NCBP3: variants seen among roughly 807,000 people sequenced by gnomAD.
NCBP3 encodes nuclear cap-binding protein subunit 3.
NCBP3 carries 20 observed loss-of-function variants against 75.7 expected under a neutral mutation model. The ratio of observed to expected loss-of-function variants is 0.26; its 90% CI spans 0.19 to 0.38. The LOEUF (loss-of-function observed/expected upper bound fraction) is 0.38, where lower values mean the gene tolerates loss of function less well. NCBP3 is among the 10% of genes least tolerant of loss of function. The probability of loss-of-function intolerance (pLI) is 1.00; values close to 1 mark genes in which losing one functional copy is unlikely to be tolerated. For missense variants in NCBP3, 678 were observed against 796.9 expected (o/e 0.85, Z 1.80); for synonymous variants, 293 against 290.5 (o/e 1.01, Z -0.09).
chr17:3,806,718 G>GAAA lies in NCBP3; in HGVS notation c.*6323_*6325dup, dbSNP rs35432474. 1 of 75,482 alleles carries GAAA rather than the reference G, an allele frequency of 1.3e-5. No homozygotes were observed. Among genetic ancestry groups the GAAA allele is most frequent in the Non-Finnish European group, 2.9e-5 (1 of 33,988 alleles). The allele number at this position is 75,482 out of a possible 1,614,324, so 4.7% of individuals were successfully genotyped here. A position where few individuals can be genotyped will look rare whatever the true frequency, so the allele number is the denominator to read the frequency against. Reference sequence around the variant, plus strand: ...TGTGAAATGTTCATAGAGCTTCATTGAAAAAAAAAAAAAAAAAAAAGCTAC... The same window carrying GAAA: ...TGTGAAATGTTCATAGAGCTTCATTGAAAAAAAAAAAAAAAAAAAAAAAGCTAC... On this transcript the variant is annotated 3_prime_UTR_variant, in exon 13 of 13. Coordinates refer to ENST00000389005, the MANE Select transcript of NCBP3 (RefSeq NM_001114118.3).
intron 11 of NCBP3, among the ~76,000 whole-genome samples, chr17:3,814,885 T>A (rs2053500472): frequency 6.6e-6 from 1 of 152,180 alleles, no homozygotes. Flanking sequence ...CCAGTAAATA[T>A]AAAGAGACTG....
At chr17:3,821,049 C>T (rs1200270684) in intron 9 of NCBP3, among the ~76,000 whole-genome samples, 200 bp downstream of exon 9, 1 of 152,014 alleles carries the variant, frequency 6.6e-6, no homozygotes, top group Non-Finnish European at 1.5e-5. Flanking sequence ...TTTGATAGAA[C>T]AGCTTTTATA....
intron 11 of NCBP3, among the ~76,000 whole-genome samples, chr17:3,815,107 A>G (rs1006242420): frequency 2.0e-5 from 3 of 152,138 alleles, no homozygotes. Flanking sequence ...AACACTTCCT[A>G]GCACTGAGTC....
chr17:3,840,982 T>C (rs1014108175), intron 2 of NCBP3, among the ~76,000 whole-genome samples: 2 of 152,084 alleles, frequency 1.3e-5, no homozygotes, highest in East Asian at 3.9e-4. Flanking sequence ...CCTTCACTAA[T>C]TGGTTTTGTT....
At chr17:3,826,742 A>T (rs1430050881) in intron 4 of NCBP3, among the ~76,000 whole-genome samples, 1 of 150,652 alleles carries the variant, frequency 6.6e-6, no homozygotes, top group Non-Finnish European at 1.5e-5. Context: ...GAGATGAAAG[A>T]AAGAAAAAGA....
rs1302231656 is a variant in NCBP3 at position 3,812,980 on chromosome 17, C to T, written c.*64G>A. The T allele has an allele frequency of 3.8e-6, 6 of 1,599,748 alleles. No individual in the cohort carries two copies. Among genetic ancestry groups the T allele is most frequent in the South Asian group, 1.1e-5 (1 of 89,096 alleles). On this transcript the variant is annotated 3_prime_UTR_variant, in exon 13 of 13. Transcript: ENST00000389005. ...CCAGCTCCTGCGGGGGAGGTTCCTA[C>T]TGCGCGCCCCACCCTGTGCAAGAAT...
At chr17:3,817,328 C>T (rs1273837583) in intron 10 of NCBP3, among the ~76,000 whole-genome samples, 1 of 152,080 alleles carries the variant, frequency 6.6e-6, no homozygotes, top group East Asian at 1.9e-4. Context: ...TAAAACCCTT[C>T]TGGGATTAAA....
At chr17:3,814,998 C>T (rs1158173792) in intron 11 of NCBP3, among the ~76,000 whole-genome samples, 1 of 152,214 alleles carries the variant, frequency 6.6e-6, no homozygotes, top group Non-Finnish European at 1.5e-5. Flanking sequence ...GAAACACATT[C>T]GTTGGTGAGG....
chr17:3,812,946 G>T lies in NCBP3; in HGVS notation c.*98C>A, dbSNP rs940484200. 5 of 1,556,258 alleles carry T rather than the reference G, an allele frequency of 3.2e-6. No homozygotes were observed. The highest frequency in any genetic ancestry group is 1.4e-5 in the African/African-American group (1 of 72,978). ...GGAGGGTGACTGTGTGAGCAGGAGC[G>T]AGAGGGCGCCAGCTCCTGCGGGGGA... On this transcript the variant is annotated 3_prime_UTR_variant, in exon 13 of 13. Transcript: ENST00000389005.
intron 12 of NCBP3, 37 bp from the exon 13 acceptor site, chr17:3,813,316 G>C (rs753091691): frequency 3.7e-6 from 6 of 1,609,872 alleles, no homozygotes; most frequent in African/African-American, 1.3e-5. Context: ...TTCGCAGTCA[G>C]CGCTAAGAAC....
rs543922752 is a variant in NCBP3 at position 3,846,234 on chromosome 17, C to G, written c.-11G>C. Reference sequence around the variant, plus strand: ...CCGTACGGCCGCCATCGCTGCCTGCCGGCCGCACCACTGAGAGCCCGCCCC... The same window carrying G: ...CCGTACGGCCGCCATCGCTGCCTGCGGGCCGCACCACTGAGAGCCCGCCCC... On this transcript the variant is annotated 5_prime_UTR_variant, in exon 1 of 13. Transcript: ENST00000389005. The surrounding 1 kb of genome is among the most constrained non-coding windows in gnomAD (Gnocchi z 4.6). 8 of 1,419,616 alleles carry G rather than the reference C, an allele frequency of 5.6e-6. No individual in the cohort carries two copies. Among genetic ancestry groups the G allele is most frequent in the Middle Eastern group, 2.5e-4 (1 of 3,924 alleles). The allele number at this position is 1,419,616 out of a possible 1,614,324, so 87.9% of individuals were successfully genotyped here.
chr17:3,840,390 C>T (rs113983723), intron 2 of NCBP3, among the ~76,000 whole-genome samples, 185 bp from the exon 3 acceptor site: 2,115 of 152,242 alleles, frequency 0.014, 37 homozygotes, highest in East Asian at 0.049. Context: ...ATGTTAATAT[C>T]GCTGTAATTT....
intron 10 of NCBP3, among the ~76,000 whole-genome samples, chr17:3,817,561 G>A (rs561682664): frequency 3.3e-5 from 5 of 152,048 alleles, no homozygotes; most frequent in African/African-American, 7.2e-5. Context: ...CCTGGGAGGC[G>A]GAGTTTGCAG....
chr17:3,829,459 A>G, intron 3 of NCBP3, 91 bp from the exon 4 acceptor site: 1 of 1,375,568 alleles, frequency 7.3e-7, no homozygotes, highest in Non-Finnish European at 9.8e-7. Context: ...TTCAGACAAC[A>G]CGAGTTTAGA....
chr17:3,841,267 G>A (rs1275853096), intron 2 of NCBP3, among the ~76,000 whole-genome samples: 2 of 152,108 alleles, frequency 1.3e-5, no homozygotes, highest in Non-Finnish European at 2.9e-5. Flanking sequence ...GAGCCACCGC[G>A]CCCAGTCCCC....
rs564698308 is a variant in NCBP3 at position 3,834,541 on chromosome 17, C to T, written c.356-5173G>A. Reference sequence around the variant, plus strand: ...CTGTAATCCCAACACTTTGGAAGGCCGAGGCGGGCAGATCACCTGAGGTTG... The same window carrying T: ...CTGTAATCCCAACACTTTGGAAGGCTGAGGCGGGCAGATCACCTGAGGTTG... On this transcript the variant is annotated intron_variant, in intron 3 of 12. Coordinates refer to ENST00000389005, the MANE Select transcript of NCBP3 (RefSeq NM_001114118.3). 1.2e-3 allele frequency among the ~76,000 whole-genome samples: 176 copies of T among 152,190 alleles called. 1 individual carries two copies. Among genetic ancestry groups the T allele is most frequent in the African/African-American group, 4.1e-3 (171 of 41,530 alleles).
chr17:3,837,997 TTTA>T (rs2054005020), intron 3 of NCBP3, among the ~76,000 whole-genome samples: 1 of 152,118 alleles, frequency 6.6e-6, no homozygotes, highest in African/African-American at 2.4e-5. Flanking sequence ...AAAAAATTTT[TTTA>T]AATTAAAAGT....
In NCBP3 at chr17:3,825,787, C is replaced by T. The variant is rs1199487812; in HGVS notation, c.667G>A (p.Glu223Lys). 2 of 1,551,122 alleles carry T rather than the reference C, an allele frequency of 1.3e-6. No homozygotes were observed. The highest frequency in any genetic ancestry group is 1.7e-6 in the Non-Finnish European group (2 of 1,146,734). The change falls in exon 6 of 13, where the codon GAG becomes AAG. Residue 223 changes from glutamate (E) to lysine (K), a missense_variant. Glu to Lys is a moderately conservative substitution (Grantham distance 56). Around this residue, in one of 7 missense-constraint regions of NCBP3, gnomAD observed 98 missense variants for 101.8 expected, o/e 0.96. Transcript: ENST00000389005. ...CTAACCTCTACATCACTTGAGTTCT[C>T]ATCTTCAACCTCTCCTTCTTCAGCT... The part of the protein sequence containing the change: ...DEAEEGEVED[E>K]NSSDVELDTL...
chr17:3,820,963 TTGATATTAATAG>T (rs2053651428), intron 9 of NCBP3, among the ~76,000 whole-genome samples: 1 of 152,086 alleles, frequency 6.6e-6, no homozygotes, highest in Non-Finnish European at 1.5e-5. Context: ...CATGCAGCTG[TTGATATTAATAG>T]TAGAAAAATT....
Sources: gnomAD v4.1 joint callset for allele counts (sites outside exome capture counted in the v4.1 genomes callset) on GRCh38, gnomAD v4.1.1 for gene constraint, gnomAD v4.1.1 regional missense constraint, Gnocchi (gnomAD v3.1) non-coding constraint, MANE v1.5 for transcripts, NCBI Gene and HGNC (gene_info 2026-07-23, HGNC 2026-07-21) for gene names.